DNAH7: variants seen among roughly 807,000 people sequenced by gnomAD.
The protein encoded by DNAH7 is dynein axonemal heavy chain 7, also known as axonemal beta dynein heavy chain 7.
In DNAH7, 397 loss-of-function variants were observed where a neutral mutation model predicts 444.6. The observed-to-expected ratio is 0.89, with a 90% CI of 0.82 to 0.97. The LOEUF is 0.97. Among genes scored for constraint, DNAH7 ranks in the 50% least tolerant of loss-of-function variants. The pLI, the probability that DNAH7 is intolerant of heterozygous loss-of-function variation, is 0.00. For synonymous variants in DNAH7, 1,636 were observed against 1,624.4 expected, an observed-to-expected ratio of 1.01 and a Z score of -0.17; for missense variants, 4,902 against 4,800.8, an observed-to-expected ratio of 1.02 and a Z score of -0.62.
chr2:195,774,192 C>T (rs1410530620), intron 60 of DNAH7, among the ~76,000 whole-genome samples: 1 of 152,228 alleles, frequency 6.6e-6, no homozygotes, highest in Non-Finnish European at 1.5e-5. Context: ...CACACCCCGT[C>T]AAGTTTAAGT....
chr2:195,842,396 T>G (rs1310000594), intron 47 of DNAH7, among the ~76,000 whole-genome samples: 3 of 152,088 alleles, frequency 2.0e-5, no homozygotes, highest in Non-Finnish European at 4.4e-5. Flanking sequence ...AGCACAGGAT[T>G]AGGTCCTCTG....
chr2:196,003,557 A>T (rs1694181357), intron 10 of DNAH7, among the ~76,000 whole-genome samples: 2 of 152,210 alleles, frequency 1.3e-5, no homozygotes, highest in Non-Finnish European at 2.9e-5. Context: ...ATTGTTTTTA[A>T]AAAGGACTTA....
intron 47 of DNAH7, among the ~76,000 whole-genome samples, chr2:195,841,677 ATT>A (rs11297010): frequency 5.3e-5 from 8 of 150,894 alleles, no homozygotes; most frequent in Non-Finnish European, 7.4e-5. Flanking sequence ...ATTATTTTGT[ATT>A]TTTTTTTTAA....
rs183516477 is a variant in DNAH7 at position 195,942,867 on chromosome 2, C to T, written c.3079-6075G>A. 3.9e-5 allele frequency among the ~76,000 whole-genome samples: 6 copies of T among 152,210 alleles called. No individual in the cohort carries two copies. The East Asian group carries it at 9.7e-4, about 24-fold the overall frequency. ...TACCATGTACACTCTAGAACTGCAGCCCAAACTCCCATCACCTTCCAACAG... is the reference window on the plus strand; with the variant it reads ...TACCATGTACACTCTAGAACTGCAGTCCAAACTCCCATCACCTTCCAACAG... On this transcript the variant is annotated intron_variant, in intron 19 of 64. Coordinates refer to ENST00000312428, the MANE Select transcript of DNAH7 (RefSeq NM_018897.3).
intron 10 of DNAH7, among the ~76,000 whole-genome samples, chr2:196,003,383 C>T (rs1177208707): frequency 4.6e-5 from 7 of 152,106 alleles, no homozygotes; most frequent in Admixed American, 4.6e-4. Context: ...GGAAAGAGGA[C>T]AAATACGATG....
chr2:195,757,667 A>G (rs931242203), intron 61 of DNAH7, among the ~76,000 whole-genome samples: 2 of 152,194 alleles, frequency 1.3e-5, no homozygotes, highest in African/African-American at 4.8e-5. Context: ...CAATTGTGGG[A>G]GCTAGAAAGC....
Position 196,047,451 on chromosome 2 carries a change from A to G in DNAH7, c.299T>C (p.Val100Ala). The part of the protein sequence containing the change: ...FGKKGKLPHQ[V>A]DDSYVGPSTS... ...AGATGGTCCAACATAACTATCATCA[A>G]CTTGGTGGGGTAATTTGCCCTTTTT... The change falls in exon 5 of 65, where the codon GTT becomes GCT. Residue 100 changes from valine to alanine, a missense_variant. Coordinates refer to ENST00000312428, the MANE Select transcript of DNAH7 (RefSeq NM_018897.3). 1.2e-6 allele frequency: 2 copies of G among 1,603,202 alleles called. No individual in the cohort carries two copies. Among genetic ancestry groups the G allele is most frequent in the East Asian group, 2.2e-5 (1 of 44,668 alleles).
At chr2:195,869,228 C>A (rs1460107687) in intron 40 of DNAH7, among the ~76,000 whole-genome samples, 1 of 151,844 alleles carries the variant, frequency 6.6e-6, no homozygotes, top group Non-Finnish European at 1.5e-5. Context: ...AGGGGCCAGG[C>A]TCCTCCCCAC....
chr2:195,754,470 G>T lies in DNAH7; in HGVS notation c.11631C>A (p.Gly3877=). The T allele has an allele frequency of 6.2e-7, 1 of 1,614,094 alleles. No homozygotes were observed. The highest frequency in any genetic ancestry group is 8.5e-7 in the Non-Finnish European group (1 of 1,179,966). ...TCAGGAAGGCTTGTGTGAAGAAGAA[G>T]CCAGAAAGCCAGAAGACTGGAGGAG... ...VGPPPVFWLS[G]FFFTQAFLTG... Residue 3877 remains glycine (G), a synonymous_variant, in exon 63 of 65, where the codon GGC becomes GGA. Transcript: ENST00000312428.
chr2:195,891,513 C>T (rs2125224921), intron 31 of DNAH7, 142 bp downstream of exon 31: 1 of 710,592 alleles, frequency 1.4e-6, no homozygotes, highest in South Asian at 7.1e-5. Context: ...CACAGAAATA[C>T]TGCCAGAATA....
At chr2:195,768,899 T>C (rs562136510) in intron 61 of DNAH7, among the ~76,000 whole-genome samples, 3 of 152,320 alleles carry the variant, frequency 2.0e-5, no homozygotes, top group South Asian at 2.1e-4. Flanking sequence ...TTTTGTCTTA[T>C]GTATTGGATA....
intron 29 of DNAH7, among the ~76,000 whole-genome samples, chr2:195,897,051 A>G (rs1465367310): frequency 2.0e-5 from 3 of 152,200 alleles, no homozygotes; most frequent in African/African-American, 7.2e-5. Context: ...AAGTTAGTCC[A>G]ACATCTAACA....
intron 36 of DNAH7, 130 bp from the exon 37 acceptor site, chr2:195,876,829 A>G: frequency 1.6e-6 from 1 of 635,326 alleles, no homozygotes; most frequent in Non-Finnish European, 2.7e-6. Flanking sequence ...AAATAGATGG[A>G]ATCAGTAGGA....
intron 5 of DNAH7, among the ~76,000 whole-genome samples, chr2:196,041,451 T>C (rs1261612065): frequency 6.6e-6 from 1 of 151,832 alleles, no homozygotes; most frequent in Non-Finnish European, 1.5e-5. Flanking sequence ...GCCAAAAACA[T>C]AAATTGGGGA....
chr2:195,806,857 A>T, intron 53 of DNAH7, 25 bp from the exon 54 acceptor site: 2 of 1,580,968 alleles, frequency 1.3e-6, no homozygotes, highest in Non-Finnish European at 1.7e-6. Context: ...TAAATAATTC[A>T]GTTATTTTGG....
chr2:195,759,239 G>A (rs1167420832), intron 61 of DNAH7, among the ~76,000 whole-genome samples: 1 of 152,122 alleles, frequency 6.6e-6, no homozygotes, highest in Non-Finnish European at 1.5e-5. Flanking sequence ...AACAGTCCTG[G>A]GGTCCACATT....
chr2:195,851,087 G>A (rs1035879193), intron 46 of DNAH7, among the ~76,000 whole-genome samples: 1 of 152,186 alleles, frequency 6.6e-6, no homozygotes, highest in Non-Finnish European at 1.5e-5. Context: ...GGTGCTAGTC[G>A]TTGGGTGTGA....
At chr2:195,976,757 G>C (rs1222075121) in intron 15 of DNAH7, among the ~76,000 whole-genome samples, 3 of 126,976 alleles carry the variant, frequency 2.4e-5, no homozygotes, top group African/African-American at 1.1e-4. Flanking sequence ...CAGAGAGAGA[G>C]AGAGAGAGAG....
chr2:195,942,818 T>A (rs763476232), intron 19 of DNAH7, among the ~76,000 whole-genome samples: 1 of 152,100 alleles, frequency 6.6e-6, no homozygotes, highest in Admixed American at 6.6e-5. Context: ...AGAAATCATA[T>A]CCCTGGAGTG....
Sources: gnomAD v4.1 joint callset for allele counts (sites outside exome capture counted in the v4.1 genomes callset) on GRCh38, gnomAD v4.1.1 for gene constraint, MANE v1.5 for transcripts, NCBI Gene and HGNC (gene_info 2026-07-23, HGNC 2026-07-21) for gene names.